PCBP2: variants seen among roughly 807,000 people sequenced by gnomAD.
PCBP2 encodes poly(rC)-binding protein 2.
A neutral mutation model predicts 50.1 loss-of-function variants in PCBP2; 4 were observed. That is an observed-to-expected ratio of 0.08 (90% confidence interval 0.04 to 0.18). The LOEUF is 0.18. Among genes scored for constraint, PCBP2 ranks in the 10% least tolerant of loss-of-function variants. PCBP2 has a pLI of 1.00. For missense variants in PCBP2, 161 were observed against 474.3 expected (o/e 0.34, Z 6.14); for synonymous variants, 179 against 168.0 (o/e 1.07, Z -0.51).
intron 8 of PCBP2, among the ~76,000 whole-genome samples, chr12:53,463,325 T>C (rs1360522587): frequency 6.6e-6 from 1 of 152,240 alleles, no homozygotes; most frequent in Non-Finnish European, 1.5e-5. Context: ...GGTAGTCCTA[T>C]GCTCTGATTG....
chr12:53,474,803 TACTC>T, intron 14 of PCBP2: 1 of 358,900 alleles, frequency 2.8e-6, no homozygotes, highest in Non-Finnish European at 5.6e-6. Flanking sequence ...GTCCTGTACT[TACTC>T]CCTTTTGTGG....
At chr12:53,473,605 C>G (rs1232515873) in intron 14 of PCBP2, among the ~76,000 whole-genome samples, 2 of 152,156 alleles carry the variant, frequency 1.3e-5, no homozygotes, top group African/African-American at 2.4e-5. Flanking sequence ...TAGAGTGGCT[C>G]TTTTCAGGAT....
At chr12:53,477,350 G>A (rs749904875) in intron 14 of PCBP2, among the ~76,000 whole-genome samples, 1 of 151,932 alleles carries the variant, frequency 6.6e-6, no homozygotes, top group Admixed American at 6.6e-5. Flanking sequence ...AAATTGGCAC[G>A]AATCTACCCC....
chr12:53,454,951 T>G lies in PCBP2; in HGVS notation c.69+82T>G, dbSNP rs1212646371. On this transcript the variant is annotated intron_variant, in intron 2 of 14. Transcript: ENST00000546463. ...GAGCAGACATGCATCTTGGAGCTCA[T>G]CAGATTAGCACTGTGGGGCATCTGG... is the stretch of plus-strand genomic sequence containing the variant. The G allele has an allele frequency of 4.0e-5, 46 of 1,154,608 alleles. No individual in the cohort carries two copies. In the Admixed American group the frequency reaches 7.4e-4, roughly 18 times the overall value. The allele number at this position is 1,154,608 out of a possible 1,614,324, so 71.5% of individuals were successfully genotyped here.
chr12:53,472,406 TC>T (rs2137106664), intron 14 of PCBP2, among the ~76,000 whole-genome samples: 1 of 152,334 alleles, frequency 6.6e-6, no homozygotes, highest in East Asian at 1.9e-4. Context: ...CTTAATGACT[TC>T]CTGAGGGTTT....
intron 13 of PCBP2, among the ~76,000 whole-genome samples, chr12:53,470,625 C>A (rs760735263): frequency 1.3e-5 from 2 of 151,990 alleles, no homozygotes; most frequent in African/African-American, 4.8e-5. Flanking sequence ...AACTCCTGAA[C>A]GCAAGTGATT....
At chr12:53,461,732 G>T (rs1357200650) in intron 7 of PCBP2, among the ~76,000 whole-genome samples, 4 of 152,078 alleles carry the variant, frequency 2.6e-5, no homozygotes, top group Admixed American at 1.3e-4. Context: ...GTGTGTGTGT[G>T]ACGGGTTCAC....
rs934357979 is a variant in PCBP2 at position 53,466,052 on chromosome 12, C to G, written c.714+79C>G. 4.2e-5 allele frequency: 50 copies of G among 1,201,330 alleles called. No homozygotes were observed. In the South Asian group the frequency reaches 5.9e-4, roughly 14 times the overall value. 74.4% of individuals were successfully genotyped at this position (1,201,330 alleles called of 1,614,324 possible). A position where few individuals can be genotyped will look rare whatever the true frequency, so the allele number is the denominator to read the frequency against. The stretch of plus-strand genomic sequence containing the variant: ...TGTCTCACTCCTCTCTCCCAAGTAG[C>G]CAGAAGTGAGTTGGGTCTTCAGCAT... On this transcript the variant is annotated intron_variant, in intron 10 of 14. Coordinates refer to ENST00000546463, the MANE Select transcript of PCBP2 (RefSeq NM_031989.5).
intron 1 of PCBP2, chr12:53,453,217 T>C (rs1332919954): frequency 6.6e-6 from 1 of 151,842 alleles, no homozygotes; most frequent in East Asian, 1.9e-4. Context: ...GTTTTTTTTT[T>C]TTTTGCCTTT....
At chr12:53,456,181 T>C (rs1350937692) in intron 5 of PCBP2, 180 bp downstream of exon 5, 2 of 602,486 alleles carry the variant, frequency 3.3e-6, no homozygotes, top group African/African-American at 3.7e-5. Flanking sequence ...AAAGAGTCAC[T>C]TGAGGCTGGG....
At chr12:53,470,868 T>G (rs1319915858) in intron 13 of PCBP2, among the ~76,000 whole-genome samples, 1 of 151,840 alleles carries the variant, frequency 6.6e-6, no homozygotes, top group Non-Finnish European at 1.5e-5. Context: ...TTTAAGCATA[T>G]TTGCTGCCAG....
At chr12:53,455,316 C>T (rs1395640028) in intron 2 of PCBP2, 31 bp from the exon 3 acceptor site, 2 of 1,603,410 alleles carry the variant, frequency 1.2e-6, no homozygotes, top group South Asian at 1.1e-5. Context: ...TCTGAGTTTC[C>T]TCTTACTGAC....
Position 53,481,139 on chromosome 12 carries a change from T to A in PCBP2, c.*1697T>A. Reference sequence around the variant, plus strand: ...TATATATATATGTATATATATATAATTTATATAAATATTTCTCTATGTACA... The same window carrying A: ...TATATATATATGTATATATATATAAATTATATAAATATTTCTCTATGTACA... On this transcript the variant is annotated 3_prime_UTR_variant, in exon 15 of 15. Coordinates refer to ENST00000546463, the MANE Select transcript of PCBP2 (RefSeq NM_031989.5). 2.5e-6 allele frequency: 2 copies of A among 797,982 alleles called. No individual in the cohort carries two copies. Among genetic ancestry groups the A allele is most frequent in the Non-Finnish European group, 3.4e-6 (2 of 595,436 alleles). 49.4% of individuals were successfully genotyped at this position (797,982 alleles called of 1,614,324 possible).
intron 5 of PCBP2, among the ~76,000 whole-genome samples, chr12:53,458,983 G>A (rs1941250850): frequency 6.6e-6 from 1 of 152,046 alleles, no homozygotes. Flanking sequence ...CCCATTGCCT[G>A]GCCAAGTGTA....
intron 10 of PCBP2, 40 bp from the exon 11 acceptor site, chr12:53,467,181 T>A (rs987399643): frequency 5.2e-6 from 8 of 1,545,388 alleles, no homozygotes; most frequent in Non-Finnish European, 7.1e-6. Flanking sequence ...CCTGGCTCTG[T>A]TAAATCTTCT....
Position 53,481,162 on chromosome 12 carries a change from A to G in PCBP2, c.*1720A>G. 7.6e-7 allele frequency: 1 copy of G among 1,320,032 alleles called. No homozygotes were observed. The allele number at this position is 1,320,032 out of a possible 1,614,324, so 81.8% of individuals were successfully genotyped here. A position where few individuals can be genotyped will look rare whatever the true frequency, so the allele number is the denominator to read the frequency against. On this transcript the variant is annotated 3_prime_UTR_variant, in exon 15 of 15. Transcript: ENST00000546463. ...AATTTATATAAATATTTCTCTATGT[A>G]CAAGGAATACGAGTGGCTTTCATGG...
intron 14 of PCBP2, among the ~76,000 whole-genome samples, chr12:53,477,801 A>G (rs1942731348): frequency 6.6e-6 from 1 of 151,642 alleles, no homozygotes; most frequent in Admixed American, 6.6e-5. Context: ...TTTTCTACCC[A>G]GCTTTTGGCT....
chr12:53,468,686 C>T, intron 12 of PCBP2, 91 bp from the exon 13 acceptor site: 1 of 977,142 alleles, frequency 1.0e-6, no homozygotes, highest in Non-Finnish European at 1.6e-6. Flanking sequence ...TGCTGGGTTT[C>T]CAGTTTATTT....
intron 13 of PCBP2, among the ~76,000 whole-genome samples, chr12:53,470,372 G>A (rs1942123611): frequency 2.4e-5 from 2 of 83,556 alleles, no homozygotes; most frequent in South Asian, 5.8e-4. Context: ...CCAAGACTCC[G>A]TCTCTCAAAA....
Sources: allele counts gnomAD v4.1 joint callset (sites outside exome capture counted in the v4.1 genomes callset), GRCh38; gene constraint gnomAD v4.1.1; transcripts MANE v1.5; gene names NCBI Gene and HGNC (gene_info 2026-07-23, HGNC 2026-07-21).